Variants in ERAP1 observed in about 807,000 individuals in gnomAD.
ERAP1 encodes the protein adipocyte-derived leucine aminopeptidase.
In ERAP1, 86 loss-of-function variants were observed where a neutral mutation model predicts 103.7. The ratio of observed to expected loss-of-function variants is 0.83; its 90% CI spans 0.70 to 0.99. The LOEUF (loss-of-function observed/expected upper bound fraction) is 0.99. ERAP1 is among the 50% of genes least tolerant of loss of function. The pLI, the probability that ERAP1 is intolerant of heterozygous loss-of-function variation, is 0.00. For missense variants in ERAP1, 1,009 were observed against 1,128.4 expected (o/e 0.89, Z 1.52); for synonymous variants, 398 against 402.4 (o/e 0.99, Z 0.13).
the ERAP1 span, among the ~76,000 whole-genome samples, chr5:96,820,177 C>T: frequency 6.6e-6 from 1 of 152,278 alleles, no homozygotes; most frequent in East Asian, 1.9e-4. Flanking sequence ...TTCTAAAAAT[C>T]ATTTTACTGC....
chr5:96,772,621 T>G (rs551485129), downstream of ERAP1: 1 of 152,878 alleles, frequency 6.5e-6, no homozygotes, highest in African/African-American at 2.4e-5. Flanking sequence ...CACTGCATTT[T>G]TTATTTGAAA....
chr5:96,813,650 C>CAAAAAAAAAAAAAAAAAAAAA, the ERAP1 span, among the ~76,000 whole-genome samples: 2 of 55,160 alleles, frequency 3.6e-5, 1 homozygote, highest in East Asian at 1.6e-3. Flanking sequence ...AGACTCATCT[C>CAAAAAAAAAAAAAAAAAAAAA]AAAAAAAAAA....
chr5:96,900,217 A>G, the ERAP1 span: 1 of 1,612,890 alleles, frequency 6.2e-7, no homozygotes, highest in Non-Finnish European at 8.5e-7. Context: ...CACAGAGTAG[A>G]AGAGATCTGT....
chr5:96,882,064 C>T, the ERAP1 span, among the ~76,000 whole-genome samples: 1 of 152,150 alleles, frequency 6.6e-6, no homozygotes, highest in Non-Finnish European at 1.5e-5. Context: ...CTGCAGCCAT[C>T]CACCTAGGAC....
At position 96,775,250 on chromosome 5, in the gene ERAP1, T is replaced by C. The variant is rs1017793701; in HGVS notation, c.*1146A>G. 4.6e-5 allele frequency: 44 copies of C among 947,400 alleles called. No individual in the cohort carries two copies. The highest frequency in any genetic ancestry group is 5.2e-5 in the Non-Finnish European group (42 of 814,968). The allele number at this position is 947,400 out of a possible 1,614,324, so 58.7% of individuals were successfully genotyped here. On this transcript the variant is annotated 3_prime_UTR_variant, in exon 19 of 19. Transcript: ENST00000443439. ...GCAACTGTGTGCTGAAGCAACCGTG[T>C]GTGAAGTCTTCACAAAAGAAAGAAA...
chr5:96,820,794 T>G, the ERAP1 span, among the ~76,000 whole-genome samples: 1 of 152,208 alleles, frequency 6.6e-6, no homozygotes, highest in African/African-American at 2.4e-5. Context: ...CTCCCTCAGA[T>G]TCAGAGATAC....
the ERAP1 span, chr5:96,915,695 T>A: frequency 2.0e-6 from 3 of 1,533,558 alleles, no homozygotes; most frequent in Non-Finnish European, 2.6e-6. Context: ...CAGATTTGAC[T>A]TGGGCTCATA....
chr5:96,898,297 C>CT, the ERAP1 span, among the ~76,000 whole-genome samples: 1 of 151,870 alleles, frequency 6.6e-6, no homozygotes, highest in Non-Finnish European at 1.5e-5. Flanking sequence ...TTTTTGTGCC[C>CT]TTATAAAGCA....
the ERAP1 span, among the ~76,000 whole-genome samples, chr5:96,879,341 T>C: frequency 6.6e-5 from 10 of 152,240 alleles, no homozygotes; most frequent in Non-Finnish European, 1.3e-4. Flanking sequence ...AGAAATTCAT[T>C]ACATTCAATT....
chr5:96,893,717 TC>T, the ERAP1 span, among the ~76,000 whole-genome samples: 1 of 152,142 alleles, frequency 6.6e-6, no homozygotes. Context: ...TTTTTTGTCT[TC>T]CCATTGATTA....
rs1172934193 is a variant in ERAP1, at chr5:96,780,938, T to C, written c.2588+120A>G. On this transcript the variant is annotated intron_variant, in intron 17 of 18. Transcript: ENST00000443439. ...CTACAAATATTTTAGGTATTTCTAC[T>C]GCCTATCTTCAATCAAAAAGTACCT... The C allele has an allele frequency of 1.5e-5, 17 of 1,132,954 alleles. 1 individual carries two copies. In the Admixed American group the frequency reaches 3.4e-4, roughly 23 times the overall value. 70.2% of individuals were successfully genotyped at this position (1,132,954 alleles called of 1,614,324 possible).
the ERAP1 span, chr5:96,883,697 C>T: frequency 2.4e-6 from 3 of 1,255,028 alleles, no homozygotes; most frequent in Admixed American, 2.7e-5. Context: ...AAGTCTATTA[C>T]CCCCAGGTTT....
At chr5:96,815,646 A>G in the ERAP1 span, among the ~76,000 whole-genome samples, 1 of 152,096 alleles carries the variant, frequency 6.6e-6, no homozygotes. Context: ...TCCTGACCTC[A>G]AATTATCCAC....
chr5:96,770,380 T>A, downstream of ERAP1: 1 of 591,270 alleles, frequency 1.7e-6, no homozygotes, highest in South Asian at 2.0e-5. Context: ...ACACCGTTGT[T>A]CAAAAAAAAT....
At chr5:96,897,090 G>C in the ERAP1 span, among the ~76,000 whole-genome samples, 13 of 152,046 alleles carry the variant, frequency 8.6e-5, no homozygotes, top group Non-Finnish European at 1.9e-4. Context: ...ACTTTCTTTG[G>C]TTTCTCTTCT....
the ERAP1 span, among the ~76,000 whole-genome samples, chr5:96,933,781 G>A: frequency 0.032 from 4,940 of 152,252 alleles, 153 homozygotes; most frequent in South Asian, 0.088. Context: ...AGAGAAGAGC[G>A]TCTTATTTAA....
At chr5:96,808,027 G>A, upstream of ERAP1, 1 of 985,532 alleles carries the variant, frequency 1.0e-6, no homozygotes, top group Non-Finnish European at 1.2e-6. Context: ...CCTGGCTAAG[G>A]CGGGAGCTGG....
At chr5:96,902,327 A>G in the ERAP1 span, 3 of 1,611,200 alleles carry the variant, frequency 1.9e-6, no homozygotes, top group African/African-American at 2.7e-5. Flanking sequence ...AATGTGATCC[A>G]CAGACACATT....
At chr5:96,829,438 T>C in the ERAP1 span, among the ~76,000 whole-genome samples, 2 of 152,226 alleles carry the variant, frequency 1.3e-5, no homozygotes, top group Non-Finnish European at 2.9e-5. Context: ...TAGCAACAAA[T>C]GAACTAGTCA....
Sources: allele counts gnomAD v4.1 joint callset (sites outside exome capture counted in the v4.1 genomes callset), GRCh38; gene constraint gnomAD v4.1.1; transcripts MANE v1.5; gene names NCBI Gene and HGNC (gene_info 2026-07-23, HGNC 2026-07-21).